The following PARD3B variants were observed in gnomAD, a reference collection of about 807,000 sequenced individuals.
PARD3B encodes partitioning defective 3 homolog B.
Under a neutral mutation model 130.2 loss-of-function variants are expected in PARD3B, and 103 were observed. The observed-to-expected ratio is 0.79, with a 90% CI of 0.67 to 0.93. The LOEUF is 0.93. PARD3B is among the 40% of genes least tolerant of loss of function. The pLI, the probability that PARD3B is intolerant of heterozygous loss-of-function variation, is 0.00. For missense variants in PARD3B, 1,609 were observed against 1,499.2 expected (o/e 1.07, Z -1.21); for synonymous variants, 583 against 553.2 (o/e 1.05, Z -0.76).
chr2:205,391,802 C>A (rs1324723522), intron 18 of PARD3B, among the ~76,000 whole-genome samples: 2 of 152,146 alleles, frequency 1.3e-5, no homozygotes, highest in African/African-American at 2.4e-5. Flanking sequence ...TTCTTGCCCA[C>A]TCATTCACGC....
At position 205,128,095 on chromosome 2, in the gene PARD3B, C is replaced by T. The variant is rs1037075199; in HGVS notation, c.1434+2358C>T. On this transcript the variant is annotated intron_variant, in intron 10 of 22. Transcript: ENST00000406610. This position sits in a 1 kb window ranked among gnomAD's most constrained non-coding sequence, Gnocchi z 4.5. ...CCAAAATCCTCAGTGGAACTATGTG[C>T]TTATTTCTGAGATAGGAGAGCAAAG... is the stretch of plus-strand genomic sequence containing the variant. Among the ~76,000 whole-genome samples, 22 of 152,292 alleles carry T rather than the reference C, an allele frequency of 1.4e-4. No individual in the cohort carries two copies. Among genetic ancestry groups the T allele is most frequent in the African/African-American group, 5.3e-4 (22 of 41,550 alleles).
At position 204,891,193 on chromosome 2, in the gene PARD3B, T is replaced by C. The variant is rs2046432738; in HGVS notation, c.223-73959T>C. Among the ~76,000 whole-genome samples the C allele has an allele frequency of 1.3e-5, 2 of 152,004 alleles. 1 individual carries two copies. Among genetic ancestry groups the C allele is most frequent in the South Asian group, 4.2e-4 (2 of 4,810 alleles). ...TTTCTCTTAAGTCCTTTTCTTTTTT[T>C]TTTTTTTTTAACCTTGTGCTATTAA... On this transcript the variant is annotated intron_variant, in intron 2 of 22. Transcript: ENST00000406610.
intron 3 of PARD3B, among the ~76,000 whole-genome samples, chr2:204,974,291 C>T (rs901879443): frequency 1.3e-5 from 2 of 152,052 alleles, no homozygotes; most frequent in Non-Finnish European, 2.9e-5. Context: ...GAAGACTTGA[C>T]TATGGTTATG....
intron 10 of PARD3B, among the ~76,000 whole-genome samples, chr2:205,143,557 A>C (rs1184228990): frequency 6.6e-6 from 1 of 152,196 alleles, no homozygotes; most frequent in African/African-American, 2.4e-5. Flanking sequence ...AAGGCCATAG[A>C]AATTGCTCCC....
At chr2:204,836,754 G>T (rs1251400646) in intron 2 of PARD3B, among the ~76,000 whole-genome samples, 1 of 152,116 alleles carries the variant, frequency 6.6e-6, no homozygotes, top group Non-Finnish European at 1.5e-5. Flanking sequence ...ATGTATGTGA[G>T]TGTGCATGTG....
intron 2 of PARD3B, among the ~76,000 whole-genome samples, chr2:204,692,085 T>C (rs2037380784): frequency 6.6e-6 from 1 of 152,232 alleles, no homozygotes; most frequent in African/African-American, 2.4e-5. Context: ...CCAAATTGCT[T>C]TCTGAACACT....
chr2:205,302,396 G>A (rs1202874542), intron 18 of PARD3B, among the ~76,000 whole-genome samples: 1 of 152,064 alleles, frequency 6.6e-6, no homozygotes, highest in African/African-American at 2.4e-5. Context: ...AGGCACAGTG[G>A]TGCATACCTG....
intron 2 of PARD3B, among the ~76,000 whole-genome samples, chr2:204,724,947 G>T (rs1395747393): frequency 6.6e-6 from 1 of 152,124 alleles, no homozygotes; most frequent in African/African-American, 2.4e-5. Flanking sequence ...GTTAGAATTT[G>T]ACTGGGCCGC....
chr2:205,127,434 A>G (rs999725463), intron 10 of PARD3B, among the ~76,000 whole-genome samples: 1 of 152,212 alleles, frequency 6.6e-6, no homozygotes, highest in African/African-American at 2.4e-5. Flanking sequence ...AGAATTGACA[A>G]AGGCACATGT....
chr2:205,273,236 C>T (rs936289831), intron 16 of PARD3B, among the ~76,000 whole-genome samples: 8 of 152,180 alleles, frequency 5.3e-5, no homozygotes, highest in Non-Finnish European at 8.8e-5. Flanking sequence ...GCTAACTATT[C>T]ATATATACAA....
Position 204,965,330 on chromosome 2 carries a change from G to A in PARD3B, c.394+7G>A, listed in dbSNP as rs752203438. The A allele has an allele frequency of 1.2e-6, 2 of 1,612,814 alleles. No homozygotes were observed. The highest frequency in any genetic ancestry group is 2.2e-5 in the East Asian group (1 of 44,846). On this transcript the variant is annotated splice_region_variant and intron_variant, in intron 3 of 22. Coordinates refer to ENST00000406610, the MANE Select transcript of PARD3B (RefSeq NM_001302769.2). Reference sequence around the variant, plus strand: ...CCTTCTGCTCTAAAACTAGGTATGTGTAATGTTTATGATATTCTTTTCACC... The same window carrying A: ...CCTTCTGCTCTAAAACTAGGTATGTATAATGTTTATGATATTCTTTTCACC...
chr2:205,079,312 C>G (rs1413789408), intron 4 of PARD3B, among the ~76,000 whole-genome samples: 6 of 152,126 alleles, frequency 3.9e-5, no homozygotes. Flanking sequence ...TAGCAAAATA[C>G]CCGAGACTAG....
At chr2:205,137,644 C>T (rs1169924117) in intron 10 of PARD3B, among the ~76,000 whole-genome samples, 3 of 152,160 alleles carry the variant, frequency 2.0e-5, no homozygotes, top group African/African-American at 7.2e-5. Context: ...CTGCCAGTTT[C>T]GTTTAGACTT....
intron 18 of PARD3B, among the ~76,000 whole-genome samples, chr2:205,392,514 C>T (rs1157366017): frequency 6.6e-6 from 1 of 152,032 alleles, no homozygotes. Flanking sequence ...TAAACATACC[C>T]AGGATAAATG....
Position 205,585,688 on chromosome 2 carries a change from G to A in PARD3B, c.3261-29768G>A, listed in dbSNP as rs1230123735. ...TTTCAATGTCCAAAGGAAATGTGGGGGACACTTAGGCCCTGCCTCTTCAGG... is the reference window on the plus strand; with the variant it reads ...TTTCAATGTCCAAAGGAAATGTGGGAGACACTTAGGCCCTGCCTCTTCAGG... On this transcript the variant is annotated intron_variant, in intron 22 of 22. Coordinates refer to ENST00000406610, the MANE Select transcript of PARD3B (RefSeq NM_001302769.2). This position sits in a 1 kb window ranked among gnomAD's most constrained non-coding sequence, Gnocchi z 5.4. Among the ~76,000 whole-genome samples, 2 of 152,294 alleles carry A rather than the reference G, an allele frequency of 1.3e-5. No individual in the cohort carries two copies. The highest frequency in any genetic ancestry group is 4.8e-5 in the African/African-American group (2 of 41,552).
chr2:205,133,183 T>G (rs2032171349), intron 10 of PARD3B, among the ~76,000 whole-genome samples: 1 of 152,224 alleles, frequency 6.6e-6, no homozygotes, highest in Non-Finnish European at 1.5e-5. Flanking sequence ...TGGTTTAAGT[T>G]ACCATGATGA....
intron 1 of PARD3B, among the ~76,000 whole-genome samples, chr2:204,672,610 G>T (rs1451095202): frequency 6.6e-6 from 1 of 152,132 alleles, no homozygotes; most frequent in Non-Finnish European, 1.5e-5. Flanking sequence ...CAGTTTCATG[G>T]AATGCATTAG....
chr2:204,566,298 C>A (rs373158148), intron 1 of PARD3B, among the ~76,000 whole-genome samples: 2 of 152,186 alleles, frequency 1.3e-5, no homozygotes, highest in Non-Finnish European at 2.9e-5. Context: ...TGAACTCAGT[C>A]GTCATGTTTG....
intron 14 of PARD3B, among the ~76,000 whole-genome samples, 180 bp downstream of exon 14, chr2:205,186,043 A>AT (rs1457804542): frequency 3.3e-5 from 5 of 152,156 alleles, no homozygotes; most frequent in Non-Finnish European, 2.9e-5. Context: ...AATAGCTTAG[A>AT]TTGGGCATAT....
Sources: allele counts gnomAD v4.1 joint callset (sites outside exome capture counted in the v4.1 genomes callset), GRCh38; gene constraint gnomAD v4.1.1; non-coding constraint Gnocchi (gnomAD v3.1); transcripts MANE v1.5; gene names NCBI Gene and HGNC (gene_info 2026-07-23, HGNC 2026-07-21).